The following MTOR variants were observed in gnomAD, a reference collection of about 807,000 sequenced individuals.
MTOR encodes mechanistic target of rapamycin kinase, also known as serine/threonine-protein kinase mTOR.
Under a neutral mutation model 319.8 loss-of-function variants are expected in MTOR, and 70 were observed. That is an observed-to-expected ratio of 0.22 (90% confidence interval 0.18 to 0.27). MTOR has a LOEUF of 0.27. MTOR is among the 10% of genes least tolerant of loss of function. MTOR has a pLI of 1.00. For synonymous variants in MTOR, 1,183 were observed against 1,211.4 expected (o/e 0.98, Z 0.49); for missense variants, 1,890 against 3,274.4 (o/e 0.58, Z 10.32).
rs2100941084 is a variant in MTOR at position 11,248,083 on chromosome 1, T to C, written c.852A>G (p.Glu284=). The change falls in exon 7 of 58, where the codon GAA becomes GAG. Residue 284 remains glutamate, a synonymous_variant. Coordinates refer to ENST00000361445, the MANE Select transcript of MTOR (RefSeq NM_004958.4). ...ISSMEGERLR[E]EMEEITQQQL... ...GCTGCTGTGTGATTTCTTCCATTTC[T>C]TCTCTCAGACGCTATATATATGAGG... The C allele has an allele frequency of 6.2e-7, 1 of 1,608,120 alleles. No individual in the cohort carries two copies.
chr1:11,196,806 T>G (rs373162474), intron 28 of MTOR, among the ~76,000 whole-genome samples: 53 of 150,974 alleles, frequency 3.5e-4, no homozygotes, highest in African/African-American at 1.2e-3. Context: ...GAGCCAAGAT[T>G]GTGCCACTGC....
intron 29 of MTOR, among the ~76,000 whole-genome samples, chr1:11,163,746 A>C (rs188266527): frequency 9.4e-4 from 143 of 152,364 alleles, no homozygotes; most frequent in Non-Finnish European, 1.7e-3. Flanking sequence ...GAGAACATAG[A>C]CACCACATAC....
In MTOR at chr1:11,108,377, CT is replaced by C. The variant is rs566961610; in HGVS notation, c.7529-92del. ...TGGGCTTAACTGTCTATGCCAACAG[CT>C]TATCGTCAGACATGAAGATGAAGGA... On this transcript the variant is annotated intron_variant, in intron 56 of 57. Transcript: ENST00000361445. The C allele has an allele frequency of 2.2e-4, 228 of 1,019,548 alleles. 4 individuals carry two copies. In the East Asian group the frequency reaches 5.5e-3, roughly 25 times the overall value. 63.2% of individuals were successfully genotyped at this position (1,019,548 alleles called of 1,614,324 possible). A position where few individuals can be genotyped will look rare whatever the true frequency, so the allele number is the denominator to read the frequency against.
chr1:11,140,792 A>C (rs1322785992), intron 34 of MTOR, among the ~76,000 whole-genome samples: 4 of 152,196 alleles, frequency 2.6e-5, no homozygotes. Context: ...CAACTTTAAA[A>C]TTTTGTTTCA....
chr1:11,222,766 TA>T (rs902739292), intron 19 of MTOR, among the ~76,000 whole-genome samples: 8 of 151,564 alleles, frequency 5.3e-5, no homozygotes, highest in South Asian at 2.1e-4. Flanking sequence ...TTTTTTTTAA[TA>T]AAAAAAATAT....
At position 11,216,576 on chromosome 1, in the gene MTOR, G is replaced by T. The variant is rs376729165; in HGVS notation, c.3031-342C>A. On this transcript the variant is annotated intron_variant, in intron 19 of 57. Coordinates refer to ENST00000361445, the MANE Select transcript of MTOR (RefSeq NM_004958.4). ...GTGGGAGAAATGCTTGAGCCCAGAA[G>T]TTCAAGGCTGTAGTGAGCTATGCAC... 3.2e-4 allele frequency among the ~76,000 whole-genome samples: 49 copies of T among 151,240 alleles called. No individual in the cohort carries two copies. In the South Asian group the frequency reaches 8.2e-3, roughly 25 times the overall value.
chr1:11,116,023 T>C (rs146511512), intron 50 of MTOR, among the ~76,000 whole-genome samples: 145 of 152,366 alleles, frequency 9.5e-4, no homozygotes, highest in Middle Eastern at 3.4e-3. Flanking sequence ...AACAAAAATC[T>C]ACTATTTTTG....
chr1:11,189,918 G>T (rs1452347810), intron 28 of MTOR: 1 of 1,613,614 alleles, frequency 6.2e-7, no homozygotes, highest in Admixed American at 1.7e-5. Flanking sequence ...ACATCATGCA[G>T]CTGCAGGCAG....
chr1:11,211,375 G>A (rs1237193609), intron 23 of MTOR, among the ~76,000 whole-genome samples: 2 of 152,146 alleles, frequency 1.3e-5, no homozygotes, highest in African/African-American at 4.8e-5. Context: ...GATTCAGTAG[G>A]TCTTAGGTGA....
rs1570940960 is a variant in MTOR, at chr1:11,127,503, A to C, written c.6216+121T>G. ...GTCAGTGGAAAGGCCAGAGGAAAAG[A>C]AATCTGACAAAGGCCTTGGGTCACG... On this transcript the variant is annotated intron_variant, in intron 44 of 57. Transcript: ENST00000361445. This position sits in a 1 kb window ranked among gnomAD's most constrained non-coding sequence, Gnocchi z 5.5. 8.3e-7 allele frequency: 1 copy of C among 1,207,468 alleles called. No homozygotes were observed. The highest frequency in any genetic ancestry group is 2.8e-5 in the Admixed American group (1 of 35,208). 74.8% of individuals were successfully genotyped at this position (1,207,468 alleles called of 1,614,324 possible).
intron 30 of MTOR, among the ~76,000 whole-genome samples, chr1:11,151,654 C>T (rs949453668): frequency 6.6e-6 from 1 of 152,196 alleles, no homozygotes; most frequent in Non-Finnish European, 1.5e-5. Flanking sequence ...CCAGGGGTCA[C>T]AGTTTGAGAA....
Position 11,167,510 on chromosome 1 carries a change from T to A in MTOR, c.4261A>T (p.Asn1421Tyr). 6.2e-7 allele frequency: 1 copy of A among 1,611,944 alleles called. No homozygotes were observed. The highest frequency in any genetic ancestry group is 8.5e-7 in the Non-Finnish European group (1 of 1,179,762). The change falls in exon 29 of 58, where the codon AAT becomes TAT. Residue 1421 changes from asparagine (N) to tyrosine (Y), a missense_variant. Asn to Tyr is a moderately radical substitution (Grantham distance 143). Coordinates refer to ENST00000361445, the MANE Select transcript of MTOR (RefSeq NM_004958.4). ...GCTGCCTCCGGCTGCTGTAGCTTAT[T>A]ATTAATGCTGAGAAAACAAAGGGAA... ...AILESLISIN[N>Y]KLQQPEAAAG...
At chr1:11,250,168 CG>C (rs1649453470) in intron 6 of MTOR, among the ~76,000 whole-genome samples, 1 of 141,892 alleles carries the variant, frequency 7.0e-6, no homozygotes, top group Non-Finnish European at 1.6e-5. Flanking sequence ...GCTGGCCGGG[CG>C]GGGGGCTGAC....
chr1:11,189,742 C>G, intron 28 of MTOR: 8 of 1,614,132 alleles, frequency 5.0e-6, no homozygotes, highest in Non-Finnish European at 5.9e-6. Context: ...GCTCAAGGCC[C>G]AAGTTGCCAA....
chr1:11,120,783 C>G (rs1163728448), intron 49 of MTOR, among the ~76,000 whole-genome samples: 1 of 152,042 alleles, frequency 6.6e-6, no homozygotes, highest in Non-Finnish European at 1.5e-5. Flanking sequence ...AACAGTCATT[C>G]TACTATATTT....
At chr1:11,262,192 G>C (rs1473827553) in intron 1 of MTOR, among the ~76,000 whole-genome samples, 1 of 152,226 alleles carries the variant, frequency 6.6e-6, no homozygotes, top group Non-Finnish European at 1.5e-5. Flanking sequence ...CAATACCAGA[G>C]CTGATGGGCC....
chr1:11,112,853 G>T lies in MTOR; in HGVS notation c.7365C>A (p.Val2455=), dbSNP rs878854749. The change falls in exon 54 of 58, where the codon GTC becomes GTA. Residue 2455 remains valine, a splice_region_variant and synonymous_variant. Coordinates refer to ENST00000361445, the MANE Select transcript of MTOR (RefSeq NM_004958.4). ...GCGACCTCCCGTGGATGCACCTACCGACTGACTGGCCAGCAGAGTAGGAAT... is the reference window on the plus strand; with the variant it reads ...GCGACCTCCCGTGGATGCACCTACCTACTGACTGGCCAGCAGAGTAGGAAT... ...RTDSYSAGQS[V]EILDGVELGE... is the part of the protein sequence containing the mutation. 1.9e-6 allele frequency: 3 copies of T among 1,614,182 alleles called. No homozygotes were observed. The highest frequency in any genetic ancestry group is 2.5e-6 in the Non-Finnish European group (3 of 1,180,024).
chr1:11,233,234 T>C, intron 15 of MTOR, 164 bp downstream of exon 15: 2 of 814,222 alleles, frequency 2.5e-6, no homozygotes, highest in Non-Finnish European at 4.0e-6. Context: ...TTATTGAGAA[T>C]ATATTATTTC....
intron 13 of MTOR, among the ~76,000 whole-genome samples, chr1:11,237,403 A>C (rs1647351862): frequency 6.6e-6 from 1 of 152,166 alleles, no homozygotes; most frequent in South Asian, 2.1e-4. Flanking sequence ...TAGAACAAAT[A>C]GTGGAAACGG....
Sources: gnomAD v4.1 joint callset for allele counts (sites outside exome capture counted in the v4.1 genomes callset) on GRCh38, gnomAD v4.1.1 for gene constraint, Gnocchi (gnomAD v3.1) non-coding constraint, MANE v1.5 for transcripts, NCBI Gene and HGNC (gene_info 2026-07-23, HGNC 2026-07-21) for gene names.